Variants in NUP42 observed in about 807,000 individuals in gnomAD.
The protein encoded by NUP42 is nucleoporin 42.
A neutral mutation model predicts 35.9 loss-of-function variants in NUP42; 47 were observed. The observed-to-expected ratio is 1.31, with a 90% CI of 1.04 to 1.67. The LOEUF (loss-of-function observed/expected upper bound fraction) is 1.67. Ranked by LOEUF, NUP42 falls within the 40% of genes most tolerant of loss-of-function variation. The probability of loss-of-function intolerance (pLI) is 0.00; values close to 1 mark genes in which losing one functional copy is unlikely to be tolerated. For synonymous variants in NUP42, 173 were observed against 173.3 expected, an observed-to-expected ratio of 1.00 and a Z score of 0.01; for missense variants, 514 against 492.2, an observed-to-expected ratio of 1.04 and a Z score of -0.42.
At position 23,193,049 on chromosome 7, in the gene NUP42, G is replaced by A. The variant is rs572296283; in HGVS notation, c.446-2790G>A. On this transcript the variant is annotated intron_variant, in intron 3 of 6. Coordinates refer to ENST00000258742, the MANE Select transcript of NUP42 (RefSeq NM_007342.3). ...CTCAGGAGTGAAGCTGTGGACCTTC[G>A]CGGTGAGTGTTACGGCTCTTAAGGC... Among the ~76,000 whole-genome samples, 510 of 152,116 alleles carry A rather than the reference G, an allele frequency of 3.4e-3. 2 individuals carry two copies. The highest frequency in any genetic ancestry group is 6.5e-3 in the Non-Finnish European group (443 of 67,996).
At chr7:23,190,800 AT>A (rs1785763210) in intron 3 of NUP42, among the ~76,000 whole-genome samples, 1 of 152,200 alleles carries the variant, frequency 6.6e-6, no homozygotes, top group African/African-American at 2.4e-5. Flanking sequence ...AAAAATAAAA[AT>A]AAAAAATTAA....
At chr7:23,182,256 C>T (rs1168585058) in intron 1 of NUP42, 50 bp downstream of exon 1, 22 of 1,548,324 alleles carry the variant, frequency 1.4e-5, no homozygotes, top group East Asian at 9.7e-5. Flanking sequence ...AAGGGTCCGC[C>T]GGCGGGGACC....
In NUP42 at chr7:23,185,263, T is replaced by G; in HGVS notation, c.315T>G (p.Leu105=). The G allele has an allele frequency of 6.2e-7, 1 of 1,614,108 alleles. No homozygotes were observed. The highest frequency in any genetic ancestry group is 8.5e-7 in the Non-Finnish European group (1 of 1,179,964). ...TGTCTGAGAACCCATTTGCTTCACTTAGTCCTGATGAGCAGAAAGATGAAA... is the reference window on the plus strand; with the variant it reads ...TGTCTGAGAACCCATTTGCTTCACTGAGTCCTGATGAGCAGAAAGATGAAA... The part of the protein sequence containing the change: ...FGLSENPFAS[L]SPDEQKDEKK... The change falls in exon 2 of 7, where the codon CTT becomes CTG. Residue 105 remains leucine, a synonymous_variant. Coordinates refer to ENST00000258742, the MANE Select transcript of NUP42 (RefSeq NM_007342.3).
At chr7:23,188,298 A>G (rs1785674086) in intron 3 of NUP42, 1 of 1,194,658 alleles carries the variant, frequency 8.4e-7, no homozygotes, top group Non-Finnish European at 1.0e-6. Context: ...GCTAAGTGCT[A>G]GGAATATAGT....
chr7:23,200,246 C>A lies in NUP42; in HGVS notation c.773C>A (p.Ser258Tyr). 6.2e-7 allele frequency: 1 copy of A among 1,603,528 alleles called. No individual in the cohort carries two copies. Among genetic ancestry groups the A allele is most frequent in the Non-Finnish European group, 8.5e-7 (1 of 1,173,406 alleles). Residue 258 changes from serine to tyrosine, a missense_variant, in exon 7 of 7, where the codon TCT (serine) becomes TAT (tyrosine). By Grantham distance (144) the Ser-to-Tyr change is moderately radical. Transcript: ENST00000258742. ...ACAAACTCTGGATTTGCTGCTGCCT[C>A]TTCTGGAAGCCCTGCTGGTTTTGGG... ...FKTNSGFAAA[S>Y]SGSPAGFGSS...
Position 23,196,711 on chromosome 7 carries a change from G to A in NUP42, c.554G>A (p.Trp185Ter). Residue 185 changes from tryptophan to a stop codon, truncating the protein, a stop_gained, in exon 5 of 7, where the codon TGG (tryptophan) becomes TAG (stop). Coordinates refer to ENST00000258742, the MANE Select transcript of NUP42 (RefSeq NM_007342.3). LOFTEE classifies it high-confidence loss of function. ...LNSVQRLINQ[W>*]RNRVNELKSL... ...TCTGTCCAACGTTTAATAAATCAAT[G>A]GAGGAACAGGGTAAATGAACTGAAA... The A allele has an allele frequency of 1.2e-6, 2 of 1,612,426 alleles. No homozygotes were observed. The highest frequency in any genetic ancestry group is 1.1e-5 in the South Asian group (1 of 90,988).
intron 3 of NUP42, among the ~76,000 whole-genome samples, chr7:23,191,929 C>T (rs6942981): frequency 0.34 from 52,186 of 151,976 alleles, 9,163 homozygotes; most frequent in Middle Eastern, 0.39. Flanking sequence ...TGCACTCCAG[C>T]CTGGGTGACA....
At chr7:23,200,122 C>T (rs549312685) in intron 6 of NUP42, 46 bp from the exon 7 acceptor site, 38 of 1,280,208 alleles carry the variant, frequency 3.0e-5, no homozygotes, top group East Asian at 2.0e-4. Flanking sequence ...TTTTTCTGAC[C>T]GTAATAGATT....
intron 3 of NUP42, among the ~76,000 whole-genome samples, chr7:23,192,595 A>G (rs1004621369): frequency 4.1e-4 from 62 of 151,978 alleles, no homozygotes; most frequent in Non-Finnish European, 6.5e-4. Context: ...AAGAAAATAT[A>G]TTGACCATTC....
chr7:23,195,062 T>C (rs1223342778), intron 3 of NUP42: 1 of 152,260 alleles, frequency 6.6e-6, no homozygotes, highest in Admixed American at 6.5e-5. Flanking sequence ...CCCTTATACA[T>C]AGCAACCTTT....
chr7:23,195,135 A>G (rs551717794), intron 3 of NUP42: 21 of 152,430 alleles, frequency 1.4e-4, no homozygotes, highest in African/African-American at 4.8e-4. Context: ...GTCACAGGAT[A>G]TGAATGTTTT....
intron 3 of NUP42, chr7:23,194,396 G>A: frequency 6.4e-6 from 1 of 156,430 alleles, no homozygotes; most frequent in East Asian, 1.9e-4. Context: ...GCTCTTTGTT[G>A]CCCAGGCTGG....
intron 1 of NUP42, among the ~76,000 whole-genome samples, chr7:23,184,357 T>C (rs1226010726): frequency 6.6e-6 from 1 of 152,140 alleles, no homozygotes; most frequent in Admixed American, 6.5e-5. Flanking sequence ...TTTACTACAG[T>C]ATAGGGCCTG....
chr7:23,184,989 G>A, intron 1 of NUP42, 81 bp from the exon 2 acceptor site: 2 of 1,191,754 alleles, frequency 1.7e-6, no homozygotes. Flanking sequence ...CTGGGCAAAA[G>A]AGTGAGACCC....
intron 1 of NUP42, 89 bp from the exon 2 acceptor site, chr7:23,184,980 TG>T: frequency 9.1e-7 from 1 of 1,100,772 alleles, no homozygotes; most frequent in South Asian, 1.6e-5. Context: ...TACTCCACCC[TG>T]GGCAAAAGAG....
intron 3 of NUP42, among the ~76,000 whole-genome samples, chr7:23,193,877 CGCAGGGAG>C (rs942747053): frequency 6.6e-6 from 1 of 152,242 alleles, no homozygotes; most frequent in Non-Finnish European, 1.5e-5. Flanking sequence ...AGCCCTGCCC[CGCAGGGAG>C]GCAGCTAAGA....
In NUP42 at chr7:23,198,855, A is replaced by T. The variant is rs1313977331; in HGVS notation, c.610-603A>T. The stretch of plus-strand genomic sequence containing the variant: ...CCCTTATAGACACTGAAAAAAATTT[A>T]AAAATATTTTTCTGATTATAATATC... On this transcript the variant is annotated intron_variant, in intron 5 of 6. Coordinates refer to ENST00000258742, the MANE Select transcript of NUP42 (RefSeq NM_007342.3). 3.9e-5 allele frequency among the ~76,000 whole-genome samples: 6 copies of T among 152,214 alleles called. No individual in the cohort carries two copies. In the East Asian group the frequency reaches 9.6e-4, roughly 24 times the overall value.
At chr7:23,187,207 A>C in intron 3 of NUP42, 61 bp downstream of exon 3, 1 of 1,129,062 alleles carries the variant, frequency 8.9e-7, no homozygotes. Context: ...CTAAAACCAA[A>C]AGAATGCCAA....
chr7:23,193,085 G>C (rs1785863045), intron 3 of NUP42, among the ~76,000 whole-genome samples: 1 of 151,470 alleles, frequency 6.6e-6, no homozygotes, highest in African/African-American at 2.4e-5. Flanking sequence ...GGCCCGTCTG[G>C]AGTTGTTTGT....
Sources: gnomAD v4.1 joint callset for allele counts (sites outside exome capture counted in the v4.1 genomes callset) on GRCh38, gnomAD v4.1.1 for gene constraint, MANE v1.5 for transcripts, NCBI Gene and HGNC (gene_info 2026-07-23, HGNC 2026-07-21) for gene names.